The following TMEM184A variants were observed in gnomAD, a reference collection of about 807,000 sequenced individuals.
TMEM184A encodes the protein transmembrane protein 184A, also known as sexually dimorphic, expressed in male gonads 1.
TMEM184A carries 40 observed loss-of-function variants against 39.5 expected under a neutral mutation model. That is an observed-to-expected ratio of 1.01 (90% CI 0.79 to 1.32). The LOEUF is 1.32. Among genes scored for constraint, TMEM184A ranks in the 40% most tolerant of loss-of-function variants. The pLI, the probability that TMEM184A is intolerant of heterozygous loss-of-function variation, is 0.00. For missense variants in TMEM184A, 603 were observed against 568.8 expected, an observed-to-expected ratio of 1.06 and a Z score of -0.61; for synonymous variants, 280 against 252.3, an observed-to-expected ratio of 1.11 and a Z score of -1.04.
chr7:1,548,401 C>T, intron 7 of TMEM184A, 118 bp downstream of exon 7: 1 of 1,228,896 alleles, frequency 8.1e-7, no homozygotes, highest in Non-Finnish European at 1.1e-6. Flanking sequence ...CTGACCTGTG[C>T]TGCAGCTGGA....
At chr7:1,549,666 C>T (rs181196965) in intron 6 of TMEM184A, 188 bp downstream of exon 6, 38 of 702,388 alleles carry the variant, frequency 5.4e-5, no homozygotes, top group African/African-American at 4.8e-4. Context: ...GGACGCCAGG[C>T]CTGCCTTGTT....
rs552095160 is a variant in TMEM184A, at chr7:1,547,011, C to T, written c.1183G>A (p.Gly395Arg). 4.3e-5 allele frequency: 67 copies of T among 1,553,768 alleles called. No individual in the cohort carries two copies. Among genetic ancestry groups the T allele is most frequent in the African/African-American group, 6.5e-5 (4 of 61,502 alleles). ...PGTHPSGGSG[G>R]SRKSRSLEKR... is the part of the protein sequence containing the mutation. ...TCCAGGCTCCGGCTCTTCCTGCTCC[C>T]GCCGGAGCCGCCGCTGGGGTGGGTG... The change falls in exon 9 of 9, where the codon GGG becomes AGG. Residue 395 changes from glycine (G) to arginine (R), a missense_variant. Coordinates refer to ENST00000297477, the MANE Select transcript of TMEM184A (RefSeq NM_001097620.2).
At position 1,546,788 on chromosome 7, in the gene TMEM184A, AC is replaced by A. The variant is rs1784361261; in HGVS notation, c.*163del. The A allele has an allele frequency of 1.8e-6, 1 of 560,792 alleles. No individual in the cohort carries two copies. The highest frequency in any genetic ancestry group is 3.4e-5 in the Admixed American group (1 of 29,400). 34.7% of individuals were successfully genotyped at this position (560,792 alleles called of 1,614,324 possible). Reference sequence around the variant, plus strand: ...CCTGCCAGGGCCATCAGGTGCCCTGACCCCCTGGCTGGAGGGAGGATGGGAA... The same window carrying A: ...CCTGCCAGGGCCATCAGGTGCCCTGACCCCTGGCTGGAGGGAGGATGGGAA... On this transcript the variant is annotated 3_prime_UTR_variant, in exon 9 of 9. Coordinates refer to ENST00000297477, the MANE Select transcript of TMEM184A (RefSeq NM_001097620.2).
At chr7:1,550,531 G>A in intron 3 of TMEM184A, 136 bp from the exon 4 acceptor site, 4 of 779,080 alleles carry the variant, frequency 5.1e-6, no homozygotes, top group Non-Finnish European at 8.1e-6. Context: ...GCTCCTGATG[G>A]ACCCCATCCC....
At chr7:1,550,222 G>C (rs773862960) in intron 4 of TMEM184A, 24 bp from the exon 5 acceptor site, 1 of 1,605,568 alleles carries the variant, frequency 6.2e-7, no homozygotes, top group East Asian at 2.2e-5. Context: ...CCCTGAGCCG[G>C]TGCGGGAGAA....
chr7:1,547,253 G>A (rs182560540), intron 8 of TMEM184A, 72 bp from the exon 9 acceptor site: 1 of 885,518 alleles, frequency 1.1e-6, no homozygotes, highest in Non-Finnish European at 1.7e-6. Flanking sequence ...CCCCTCCCAG[G>A]ATGCCCAGGG....
intron 7 of TMEM184A, 25 bp from the exon 8 acceptor site, chr7:1,547,964 C>G: frequency 6.5e-7 from 1 of 1,546,862 alleles, no homozygotes; most frequent in Admixed American, 1.9e-5. Context: ...GCCGCTCAGC[C>G]CCAGCCCCAG....
At position 1,545,327 on chromosome 7, in the gene TMEM184A, A is replaced by C. The variant is rs957617500; in HGVS notation, c.*1625T>G. 3 of 152,622 alleles carry C rather than the reference A, an allele frequency of 2.0e-5. No individual in the cohort carries two copies. The highest frequency in any genetic ancestry group is 4.4e-5 in the Non-Finnish European group (3 of 68,198). 9.5% of individuals were successfully genotyped at this position (152,622 alleles called of 1,614,324 possible). A position where few individuals can be genotyped will look rare whatever the true frequency, so the allele number is the denominator to read the frequency against. On this transcript the variant is annotated 3_prime_UTR_variant, in exon 9 of 9. Transcript: ENST00000297477. ...GGCCCTGCAGACCCACTGGCCTTGGATCCCCATGTCCTCAGCCCAGGAAGC... is the reference window on the plus strand; with the variant it reads ...GGCCCTGCAGACCCACTGGCCTTGGCTCCCCATGTCCTCAGCCCAGGAAGC...
At chr7:1,547,697 C>T in intron 8 of TMEM184A, 45 bp downstream of exon 8, 1 of 1,566,668 alleles carries the variant, frequency 6.4e-7, no homozygotes, top group Non-Finnish European at 8.7e-7. Context: ...GTGCCCGGGG[C>T]AGGGCTGTGC....
intron 6 of TMEM184A, chr7:1,549,435 G>A (rs1400720345): frequency 1.5e-5 from 6 of 408,644 alleles, no homozygotes; most frequent in African/African-American, 7.2e-5. Context: ...CCTTGGCCCA[G>A]GTGCCCTTAA....
At chr7:1,553,885 G>A (rs1234704703) in intron 2 of TMEM184A, among the ~76,000 whole-genome samples, 1 of 152,060 alleles carries the variant, frequency 6.6e-6, no homozygotes, top group Non-Finnish European at 1.5e-5. Flanking sequence ...CTCAGGGGTG[G>A]GACAGGGCCT....
intron 6 of TMEM184A, chr7:1,548,932 C>T (rs1471962055): frequency 1.5e-6 from 1 of 657,884 alleles, no homozygotes; most frequent in Admixed American, 2.1e-5. Flanking sequence ...CCTACCGGCC[C>T]TGCTCCTCCT....
chr7:1,547,619 C>T, intron 8 of TMEM184A, 123 bp downstream of exon 8: 1 of 1,076,592 alleles, frequency 9.3e-7, no homozygotes, highest in Non-Finnish European at 1.4e-6. Context: ...GCCGGATGCC[C>T]TTTGCCCGTC....
rs1550010 is a variant in TMEM184A, at chr7:1,545,099, G to A, written c.*1853C>T. ...ATCGGGGTGGCCTTCCCCACGGCAA[G>A]GGCAGAGCAGGCCTAGAGCCCAGCC... On this transcript the variant is annotated 3_prime_UTR_variant, in exon 9 of 9. Coordinates refer to ENST00000297477, the MANE Select transcript of TMEM184A (RefSeq NM_001097620.2). 0.6 allele frequency: 90,480 copies of A among 152,062 alleles called. 27,121 individuals are homozygous for A. Among genetic ancestry groups the A allele is most frequent in the East Asian group, 0.68 (3,485 of 5,136 alleles). The allele number at this position is 152,062 out of a possible 1,614,324, so 9.4% of individuals were successfully genotyped here.
intron 2 of TMEM184A, among the ~76,000 whole-genome samples, chr7:1,553,566 G>A (rs1417189779): frequency 6.6e-6 from 1 of 152,200 alleles, no homozygotes; most frequent in Non-Finnish European, 1.5e-5. Context: ...TTCTGGAGGA[G>A]GTGCATGCGT....
chr7:1,548,028 G>C, intron 7 of TMEM184A, 89 bp from the exon 8 acceptor site: 1 of 1,412,132 alleles, frequency 7.1e-7, no homozygotes, highest in South Asian at 1.3e-5. Flanking sequence ...CTCCTCTGAC[G>C]GGTGCTGTGA....
chr7:1,548,456 C>T (rs1403294670), intron 7 of TMEM184A, 63 bp downstream of exon 7: 1 of 1,551,350 alleles, frequency 6.4e-7, no homozygotes, highest in Non-Finnish European at 8.8e-7. Context: ...GTGAGGTGAC[C>T]CCAGGCTCAC....
Position 1,550,363 on chromosome 7 carries a change from AAC to A in TMEM184A, c.416_417del (p.Cys139PhefsTer13). On this transcript the variant is annotated frameshift_variant, in exon 4 of 9. Transcript: ENST00000297477. LOFTEE classifies it high-confidence loss of function. ...AFVIYSFLSLCFQYLGGEGAI... is the reference protein window; with the variant it reads ...AFVIYSFLSLXFQYLGGEGAI... ...GCGCCCTCGCCTCCCAGGTACTGGA[AAC>A]ACAGGCTCAGGAAGCTGTAAATGAC... 6.2e-7 allele frequency: 1 copy of A among 1,612,962 alleles called. No individual in the cohort carries two copies. Among genetic ancestry groups the A allele is most frequent in the Non-Finnish European group, 8.5e-7 (1 of 1,179,802 alleles).
chr7:1,550,668 C>T (rs995574830), intron 3 of TMEM184A, 149 bp downstream of exon 3: 11 of 1,038,718 alleles, frequency 1.1e-5, no homozygotes, highest in Admixed American at 2.4e-5. Context: ...GGCCTGCCAG[C>T]GCCGCTAACC....
Sources: allele counts gnomAD v4.1 joint callset (sites outside exome capture counted in the v4.1 genomes callset), GRCh38; gene constraint gnomAD v4.1.1; transcripts MANE v1.5; gene names NCBI Gene and HGNC (gene_info 2026-07-23, HGNC 2026-07-21).